Variants in SSH2 observed in about 807,000 individuals in gnomAD.
SSH2 encodes the protein protein phosphatase Slingshot homolog 2.
SSH2 carries 37 observed loss-of-function variants against 135.2 expected under a neutral mutation model. The observed-to-expected ratio is 0.27, with a 90% CI of 0.21 to 0.36. The LOEUF (loss-of-function observed/expected upper bound fraction) is 0.36. Ranked by LOEUF, SSH2 falls within the 10% of genes least tolerant of loss-of-function variation. SSH2 has a pLI of 1.00. For missense variants in SSH2, 1,408 were observed against 1,765.3 expected (o/e 0.80, Z 3.63); for synonymous variants, 628 against 646.2 (o/e 0.97, Z 0.43).
chr17:29,843,163 T>C (rs962658115), intron 2 of SSH2, among the ~76,000 whole-genome samples: 2 of 152,208 alleles, frequency 1.3e-5, no homozygotes, highest in Admixed American at 6.5e-5. Flanking sequence ...CTAACCAGTT[T>C]GTTGTTGTAT....
At chr17:29,910,163 T>G (rs1290620043) in intron 1 of SSH2, among the ~76,000 whole-genome samples, 1 of 152,076 alleles carries the variant, frequency 6.6e-6, no homozygotes, top group East Asian at 1.9e-4. Context: ...CCAGGCTGGT[T>G]TCAAATTCCT....
At chr17:29,698,349 T>TA (rs1400138283) in intron 4 of SSH2, among the ~76,000 whole-genome samples, 1 of 152,182 alleles carries the variant, frequency 6.6e-6, no homozygotes, top group African/African-American at 2.4e-5. Flanking sequence ...AATTATATGG[T>TA]ATGTGGATTA....
intron 1 of SSH2, among the ~76,000 whole-genome samples, chr17:29,898,106 A>T (rs1452824437): frequency 6.6e-6 from 1 of 152,170 alleles, no homozygotes; most frequent in Non-Finnish European, 1.5e-5. Flanking sequence ...ACATACCAGA[A>T]TCTCTGGGAC....
At chr17:29,850,726 C>T (rs1236453366) in intron 1 of SSH2, among the ~76,000 whole-genome samples, 1 of 152,212 alleles carries the variant, frequency 6.6e-6, no homozygotes, top group Non-Finnish European at 1.5e-5. Flanking sequence ...TGGCTCACGC[C>T]TATAATCCCA....
chr17:29,882,605 A>T (rs2066158898), intron 1 of SSH2, among the ~76,000 whole-genome samples: 1 of 58,228 alleles, frequency 1.7e-5, no homozygotes, highest in African/African-American at 3.5e-5. Context: ...TGCAAAAATT[A>T]GCTGGGCGCA....
intron 2 of SSH2, among the ~76,000 whole-genome samples, chr17:29,820,847 G>C (rs1309919724): frequency 1.3e-5 from 2 of 152,174 alleles, no homozygotes. Flanking sequence ...ATGCAGTGCA[G>C]ATTCGATTAA....
At chr17:29,720,178 A>G (rs2151165225) in intron 3 of SSH2, among the ~76,000 whole-genome samples, 1 of 152,364 alleles carries the variant, frequency 6.6e-6, no homozygotes, top group African/African-American at 2.4e-5. Context: ...TTGTAGTGTT[A>G]TCCACCAATG....
chr17:29,818,157 TTTGTATTATTTTTTATTA>T (rs1396125817), intron 2 of SSH2, among the ~76,000 whole-genome samples: 3 of 152,132 alleles, frequency 2.0e-5, no homozygotes, highest in Non-Finnish European at 2.9e-5. Context: ...AGTATTTTTA[TTTGTATTATTTTTTATTA>T]TTGTATTGCT....
intron 2 of SSH2, among the ~76,000 whole-genome samples, chr17:29,795,208 C>G (rs1277512990): frequency 1.3e-5 from 2 of 152,210 alleles, no homozygotes; most frequent in African/African-American, 2.4e-5. Context: ...CCATGCCCAG[C>G]TGCAATCTGG....
At chr17:29,696,472 T>C (rs927260884) in intron 4 of SSH2, among the ~76,000 whole-genome samples, 15 of 145,442 alleles carry the variant, frequency 1.0e-4, no homozygotes, top group African/African-American at 3.3e-4. Context: ...TATCAGTCAC[T>C]ACACTCCAGT....
At chr17:29,817,431 G>A (rs1466225585) in intron 2 of SSH2, among the ~76,000 whole-genome samples, 2 of 152,166 alleles carry the variant, frequency 1.3e-5, no homozygotes, top group Non-Finnish European at 2.9e-5. Flanking sequence ...CTTGAAGAGA[G>A]AAGAAATGGT....
chr17:29,663,850 A>G (rs766208936), intron 11 of SSH2, among the ~76,000 whole-genome samples: 1 of 152,176 alleles, frequency 6.6e-6, no homozygotes, highest in Non-Finnish European at 1.5e-5. Context: ...TGATGTGCCA[A>G]TGTAGAATAA....
At chr17:29,924,684 C>T (rs182316978) in intron 1 of SSH2, among the ~76,000 whole-genome samples, 178 of 151,974 alleles carry the variant, frequency 1.2e-3, no homozygotes, top group African/African-American at 4.2e-3. Flanking sequence ...GCTATCCTTT[C>T]CCAGCACTAT....
At chr17:29,886,646 C>T (rs1455900916) in intron 1 of SSH2, among the ~76,000 whole-genome samples, 1 of 150,672 alleles carries the variant, frequency 6.6e-6, no homozygotes, top group Non-Finnish European at 1.5e-5. Flanking sequence ...ACTCGGGAGG[C>T]TGAGACAGGA....
chr17:29,666,797 T>G lies in SSH2; in HGVS notation c.1032+70A>C. ...TTTATTTATGTATAATAAAATTTAA[T>G]AATTACCCCTGCCCATGAGTCCATA... On this transcript the variant is annotated intron_variant, in intron 11 of 15. Coordinates refer to ENST00000540801, the MANE Select transcript of SSH2 (RefSeq NM_001282129.2). 3 of 1,432,260 alleles carry G rather than the reference T, an allele frequency of 2.1e-6. No homozygotes were observed. In the South Asian group the frequency reaches 3.9e-5, roughly 19 times the overall value. The allele number at this position is 1,432,260 out of a possible 1,614,324, so 88.7% of individuals were successfully genotyped here. A position where few individuals can be genotyped will look rare whatever the true frequency, so the allele number is the denominator to read the frequency against.
chr17:29,711,110 C>T (rs1466799754), intron 3 of SSH2, among the ~76,000 whole-genome samples: 2 of 152,136 alleles, frequency 1.3e-5, no homozygotes, highest in South Asian at 2.1e-4. Context: ...AACCAATTAC[C>T]GGCCGAAGCA....
chr17:29,758,515 T>A (rs1284576420), intron 3 of SSH2, among the ~76,000 whole-genome samples: 1 of 152,226 alleles, frequency 6.6e-6, no homozygotes, highest in African/African-American at 2.4e-5. Flanking sequence ...TCAATTAACT[T>A]TTTGTGCAGA....
At chr17:29,815,562 G>A (rs1599038087) in intron 2 of SSH2, among the ~76,000 whole-genome samples, 1 of 152,278 alleles carries the variant, frequency 6.6e-6, no homozygotes. Flanking sequence ...TGCCCAGCCT[G>A]TTCCTTTTCT....
chr17:29,801,153 C>T (rs1367515495), intron 2 of SSH2, among the ~76,000 whole-genome samples: 1 of 152,142 alleles, frequency 6.6e-6, no homozygotes, highest in Admixed American at 6.5e-5. Context: ...GCATAAGCCA[C>T]CATGCCTGGC....
Sources: allele counts gnomAD v4.1 joint callset (sites outside exome capture counted in the v4.1 genomes callset), GRCh38; gene constraint gnomAD v4.1.1; transcripts MANE v1.5; gene names NCBI Gene and HGNC (gene_info 2026-07-23, HGNC 2026-07-21).